Variants in ABCA8 observed in about 807,000 individuals in gnomAD.
ABCA8 encodes ATP binding cassette subfamily A member 8, also known as ABC-type organic anion transporter ABCA8.
ABCA8 carries 177 observed loss-of-function variants against 192.3 expected under a neutral mutation model. The observed-to-expected ratio is 0.92, with a 90% CI of 0.81 to 1.04. ABCA8 has a LOEUF of 1.04. Among genes scored for constraint, ABCA8 ranks in the 50% least tolerant of loss-of-function variants. The pLI, the probability that ABCA8 is intolerant of heterozygous loss-of-function variation, is 0.00. For synonymous variants in ABCA8, 642 were observed against 690.2 expected, an observed-to-expected ratio of 0.93 and a Z score of 1.09; for missense variants, 1,915 against 1,904.8, an observed-to-expected ratio of 1.01 and a Z score of -0.10.
chr17:68,934,761 C>A (rs10438703), intron 5 of ABCA8, among the ~76,000 whole-genome samples: 145,930 of 152,294 alleles, frequency 0.96, 70,189 homozygotes, highest in African/African-American at 0.99. Context: ...GTGGAATTTA[C>A]AAATTTTGTA....
chr17:68,867,998 G>T lies in ABCA8; in HGVS notation c.*87C>A. The T allele has an allele frequency of 9.9e-7, 1 of 1,012,694 alleles. No individual in the cohort carries two copies. 62.7% of individuals were successfully genotyped at this position (1,012,694 alleles called of 1,614,324 possible). ...GAACCATTTCTGTACTTATAATATA[G>T]TTTCTAAAAATAGAACATTGCTGCT... On this transcript the variant is annotated 3_prime_UTR_variant, in exon 40 of 40. Coordinates refer to ENST00000586539, the MANE Select transcript of ABCA8 (RefSeq NM_001288985.2).
Position 68,877,531 on chromosome 17 carries a change from ACC to A in ABCA8, c.4185_4186del (p.Glu1395AspfsTer48). 1 of 1,613,356 alleles carries A rather than the reference ACC, an allele frequency of 6.2e-7. No homozygotes were observed. Among genetic ancestry groups the A allele is most frequent in the Non-Finnish European group, 8.5e-7 (1 of 1,179,604 alleles). On this transcript the variant is annotated frameshift_variant, in exon 33 of 40. Transcript: ENST00000586539. LOFTEE classifies it high-confidence loss of function. ...CTCCTCTGTGTACCGTGTGATGGCA[ACC>A]TCAGCATCCCCTTTCCTCAGCCCTT...
At chr17:68,936,697 C>T (rs1008639520) in intron 5 of ABCA8, among the ~76,000 whole-genome samples, 1 of 151,910 alleles carries the variant, frequency 6.6e-6, no homozygotes, top group Non-Finnish European at 1.5e-5. Flanking sequence ...TATGTGTGTA[C>T]ATATGAATAC....
intron 32 of ABCA8, 143 bp from the exon 33 acceptor site, chr17:68,877,822 T>C (rs2143261387): frequency 1.2e-6 from 1 of 855,346 alleles, no homozygotes; most frequent in Non-Finnish European, 1.7e-6. Flanking sequence ...TCATTTTGCA[T>C]TGGAGAAAGG....
chr17:68,904,065 GACACAAAAC>G (rs2066988898), intron 19 of ABCA8, among the ~76,000 whole-genome samples: 1 of 151,942 alleles, frequency 6.6e-6, no homozygotes, highest in African/African-American at 2.4e-5. Flanking sequence ...ACAGTGACAG[GACACAAAAC>G]ACACTGTGAA....
intron 33 of ABCA8, 65 bp downstream of exon 33, chr17:68,877,454 G>T (rs2066235337): frequency 5.6e-6 from 8 of 1,423,004 alleles, no homozygotes; most frequent in South Asian, 3.4e-5. Flanking sequence ...TCCTGTGAGG[G>T]TCATCACTCT....
intron 10 of ABCA8, among the ~76,000 whole-genome samples, chr17:68,926,775 A>G (rs1273167076): frequency 1.3e-5 from 2 of 152,190 alleles, no homozygotes; most frequent in African/African-American, 4.8e-5. Context: ...AACAAAAACA[A>G]AAACAAAACA....
rs34001235 is a variant in ABCA8 at position 68,891,534 on chromosome 17, C to T, written c.3099G>A (p.Ser1033=). Residue 1033 remains serine (S), a synonymous_variant, in exon 24 of 40, where the codon TCG becomes TCA. Coordinates refer to ENST00000586539, the MANE Select transcript of ABCA8 (RefSeq NM_001288985.2). ...AYIMFWLVLT[S]SCPPYIAMSS... ...TCATGGCAATGTAAGGTGGGCAACTCGATGTTAAAACCAGCCAGAACATGA... is the reference window on the plus strand; with the variant it reads ...TCATGGCAATGTAAGGTGGGCAACTTGATGTTAAAACCAGCCAGAACATGA... 26,103 of 1,612,880 alleles carry T rather than the reference C, an allele frequency of 0.016. 369 individuals are homozygous for T. The highest frequency in any genetic ancestry group is 0.067 in the Middle Eastern group (406 of 6,054).
At chr17:68,916,968 G>GTA (rs2067385811) in intron 17 of ABCA8, among the ~76,000 whole-genome samples, 1 of 152,174 alleles carries the variant, frequency 6.6e-6, no homozygotes, top group African/African-American at 2.4e-5. Context: ...AAACACCTGT[G>GTA]TATAATAATA....
intron 17 of ABCA8, 70 bp from the exon 18 acceptor site, chr17:68,907,949 A>G (rs548446145): frequency 1.4e-6 from 2 of 1,384,058 alleles, no homozygotes; most frequent in Admixed American, 5.3e-5. Flanking sequence ...AAAATAATTA[A>G]CTAGTCTCTA....
intron 10 of ABCA8, 127 bp downstream of exon 10, chr17:68,927,789 T>C (rs2067743187): frequency 1.4e-6 from 1 of 717,732 alleles, no homozygotes; most frequent in East Asian, 3.3e-5. Flanking sequence ...GCGACGACTT[T>C]GTTCCTCTCT....
chr17:68,898,498 C>A (rs751989194), intron 21 of ABCA8, among the ~76,000 whole-genome samples: 2 of 152,092 alleles, frequency 1.3e-5, no homozygotes, highest in Non-Finnish European at 1.5e-5. Flanking sequence ...CCCCAGATGG[C>A]AATTTGAATC....
rs2067742121 is a variant in ABCA8 at position 68,927,767 on chromosome 17, A to G, written c.1273+149T>C. ...GTAGTGAGAAAGAAATGAAGAAATA[A>G]TTTGGCCAGTAGCGACGACTTTGTT... is the stretch of plus-strand genomic sequence containing the variant. On this transcript the variant is annotated intron_variant, in intron 10 of 39. Transcript: ENST00000586539. The G allele has an allele frequency of 2.2e-5, 12 of 547,458 alleles. No homozygotes were observed. In the South Asian group the frequency reaches 4.1e-4, roughly 19 times the overall value. 33.9% of individuals were successfully genotyped at this position (547,458 alleles called of 1,614,324 possible). A position where few individuals can be genotyped will look rare whatever the true frequency, so the allele number is the denominator to read the frequency against.
intron 5 of ABCA8, among the ~76,000 whole-genome samples, chr17:68,936,184 A>T (rs1329722728): frequency 6.6e-6 from 1 of 151,770 alleles, no homozygotes; most frequent in East Asian, 1.9e-4. Context: ...TAGTTTAATT[A>T]AGTCTCGTTT....
intron 23 of ABCA8, among the ~76,000 whole-genome samples, chr17:68,892,208 T>C (rs568694645): frequency 6.6e-6 from 1 of 152,322 alleles, no homozygotes; most frequent in South Asian, 2.1e-4. Flanking sequence ...ATGATTCTCA[T>C]AGTTGCTTCT....
chr17:68,894,027 C>T, intron 23 of ABCA8, 146 bp downstream of exon 23: 1 of 861,774 alleles, frequency 1.2e-6, no homozygotes, highest in Non-Finnish European at 1.8e-6. Context: ...ATTGATTTTC[C>T]AAAGTCACAG....
chr17:68,944,316 T>TAATATATATATATATATATA (rs1226746677), intron 2 of ABCA8, among the ~76,000 whole-genome samples: 2 of 29,290 alleles, frequency 6.8e-5, no homozygotes, highest in Non-Finnish European at 1.3e-4. Context: ...GAACTTAAAG[T>TAATATATATATATATATATA]TATATATATA....
At chr17:68,903,613 G>A (rs2066974840) in intron 19 of ABCA8, 114 bp from the exon 20 acceptor site, 1 of 897,822 alleles carries the variant, frequency 1.1e-6, no homozygotes, top group Non-Finnish European at 1.7e-6. Context: ...GTATAACGTG[G>A]TTTTGCTGGT....
intron 21 of ABCA8, among the ~76,000 whole-genome samples, chr17:68,901,649 T>C (rs900895456): frequency 3.3e-5 from 5 of 151,756 alleles, no homozygotes; most frequent in Admixed American, 3.3e-4. Context: ...CTACCAAAAA[T>C]ACAAAAAAAT....
Sources: allele counts gnomAD v4.1 joint callset (sites outside exome capture counted in the v4.1 genomes callset), GRCh38; gene constraint gnomAD v4.1.1; transcripts MANE v1.5; gene names NCBI Gene and HGNC (gene_info 2026-07-23, HGNC 2026-07-21).